Variants in ABCA4 observed in about 807,000 individuals in gnomAD.
ABCA4 encodes retinal-specific phospholipid-transporting ATPase ABCA4.
Under a neutral mutation model 263.7 loss-of-function variants are expected in ABCA4, and 196 were observed. The observed-to-expected ratio is 0.74, with a 90% CI of 0.66 to 0.84. ABCA4 has a LOEUF of 0.84. Among genes scored for constraint, ABCA4 ranks in the 40% least tolerant of loss-of-function variants. The probability of loss-of-function intolerance (pLI) is 0.00; values close to 1 mark genes in which losing one functional copy is unlikely to be tolerated. For missense variants in ABCA4, 2,792 were observed against 2,855.1 expected (o/e 0.98, Z 0.50); for synonymous variants, 1,133 against 1,094.2 (o/e 1.04, Z -0.70).
rs1282667368 is a variant in ABCA4 at position 94,023,409 on chromosome 1, G to C, written c.4644C>G (p.Ser1548Arg). 2 of 1,608,994 alleles carry C rather than the reference G, an allele frequency of 1.2e-6. No individual in the cohort carries two copies. The highest frequency in any genetic ancestry group is 1.1e-5 in the South Asian group (1 of 90,822). The change falls in exon 32 of 50, where the codon AGC becomes AGG. Residue 1548 changes from serine to arginine, a missense_variant. Coordinates refer to ENST00000370225, the MANE Select transcript of ABCA4 (RefSeq NM_000350.3). Reference protein sequence around the residue: ...YPALIRSSLKSKFWVNEQRYG... With the variant: ...YPALIRSSLKRKFWVNEQRYG... ...ACCTCTGTTCATTGACCCAGAATTT[G>C]CTCTTTAAGCTGAAAGCCAAAATAA...
Position 94,098,810 on chromosome 1 carries a change from A to C in ABCA4, c.752T>G (p.Phe251Cys), listed in dbSNP as rs1167524755. The change falls in exon 6 of 50, where the codon TTC becomes TGC. Residue 251 changes from phenylalanine (F) to cysteine (C), a missense_variant. Phe to Cys is a radical substitution (Grantham distance 205, BLOSUM62 -2). Transcript: ENST00000370225. The part of the protein sequence containing the change: ...EDTLYANVDF[F>C]KLFRVLPTLL... ...CTCCCTTACCACACGGAAGAGCTTGAAGAAGTCCACGTTGGCATACAGAGT... is the reference window on the plus strand; with the variant it reads ...CTCCCTTACCACACGGAAGAGCTTGCAGAAGTCCACGTTGGCATACAGAGT... The C allele has an allele frequency of 6.2e-7, 1 of 1,614,168 alleles. No homozygotes were observed. Among genetic ancestry groups the C allele is most frequent in the Non-Finnish European group, 8.5e-7 (1 of 1,180,012 alleles).
rs4147839 is a variant in ABCA4 at position 94,043,670 on chromosome 1, G to T, written c.3051-195C>A. Among the ~76,000 whole-genome samples the T allele has an allele frequency of 0.32, 49,215 of 151,924 alleles. 8,646 individuals carry two copies. The highest frequency in any genetic ancestry group is 0.68 in the East Asian group (3,482 of 5,152). On this transcript the variant is annotated intron_variant, in intron 20 of 49. Transcript: ENST00000370225. ...TAAGAGGATGGCTTACATAGTTCAT[G>T]CATACAATGGAATAATCTGTAAACA...
intron 17 of ABCA4, among the ~76,000 whole-genome samples, chr1:94,050,950 C>A (rs1361255080): frequency 6.6e-6 from 1 of 152,224 alleles, no homozygotes; most frequent in African/African-American, 2.4e-5. Flanking sequence ...CGCTTTCACC[C>A]TGGAATTTCT....
chr1:94,088,707 A>G (rs1249900113), intron 6 of ABCA4, among the ~76,000 whole-genome samples: 1 of 152,172 alleles, frequency 6.6e-6, no homozygotes, highest in Admixed American at 6.5e-5. Flanking sequence ...GAGCCCTTAG[A>G]TAGCAGAGGG....
chr1:94,044,108 TCC>T (rs1660603141), intron 20 of ABCA4, among the ~76,000 whole-genome samples: 1 of 126,568 alleles, frequency 7.9e-6, no homozygotes, highest in East Asian at 3.6e-4. Context: ...CTTCCTTCCT[TCC>T]TTCCTTCCTT....
intron 7 of ABCA4, 24 bp from the exon 8 acceptor site, chr1:94,080,742 G>C (rs1220522765): frequency 1.2e-6 from 2 of 1,614,060 alleles, no homozygotes; most frequent in East Asian, 4.5e-5. Flanking sequence ...AAGTCTTCAG[G>C]TTATTTTAAG....
At chr1:94,018,336 C>A (rs931003679) in intron 36 of ABCA4, among the ~76,000 whole-genome samples, 1 of 152,244 alleles carries the variant, frequency 6.6e-6, no homozygotes, top group Non-Finnish European at 1.5e-5. Flanking sequence ...GGCCTAGCTC[C>A]TTTTATATTA....
At chr1:94,095,170 G>A (rs1485290024) in intron 6 of ABCA4, among the ~76,000 whole-genome samples, 1 of 152,202 alleles carries the variant, frequency 6.6e-6, no homozygotes, top group African/African-American at 2.4e-5. Flanking sequence ...GTGTGGGAGG[G>A]ATGTAGTAAG....
chr1:94,001,839 G>C lies in ABCA4; in HGVS notation c.6282+19C>G. The C allele has an allele frequency of 6.2e-7, 1 of 1,614,122 alleles. No individual in the cohort carries two copies. Among genetic ancestry groups the C allele is most frequent in the Non-Finnish European group, 8.5e-7 (1 of 1,180,020 alleles). On this transcript the variant is annotated intron_variant, in intron 45 of 49. Transcript: ENST00000370225. ...AGCACTTGGTTTAAGCCCTTGGTGC[G>C]GCCCAAGCCCGCAGTTACCAGCAGC... is the stretch of plus-strand genomic sequence containing the variant.
In ABCA4 at chr1:94,021,874, T is replaced by C; in HGVS notation, c.4745A>G (p.Asp1582Gly). 1 of 1,614,150 alleles carries C rather than the reference T, an allele frequency of 6.2e-7. No individual in the cohort carries two copies. The highest frequency in any genetic ancestry group is 1.1e-5 in the South Asian group (1 of 91,082). ...TGEALVGFLS[D>G]LGRIMNVSGG... ...GCTCACATTCATGATCCGGCCAAGGTCGCTTAAAAACCCAACAAGTGCTTC... is the reference window on the plus strand; with the variant it reads ...GCTCACATTCATGATCCGGCCAAGGCCGCTTAAAAACCCAACAAGTGCTTC... Residue 1582 changes from aspartate (D) to glycine (G), a missense_variant, in exon 33 of 50, where the codon GAC (aspartate) becomes GGC (glycine). Physicochemically the swap from Asp to Gly is moderately conservative, Grantham distance 94 (BLOSUM62 -1). Coordinates refer to ENST00000370225, the MANE Select transcript of ABCA4 (RefSeq NM_000350.3).
chr1:94,054,614 A>G (rs567747545), intron 16 of ABCA4, among the ~76,000 whole-genome samples: 1 of 152,308 alleles, frequency 6.6e-6, no homozygotes, highest in African/African-American at 2.4e-5. Context: ...GGTGTATTAA[A>G]CAGTCAGTAA....
At chr1:94,044,589 G>T in intron 20 of ABCA4, 24 bp downstream of exon 20, 2 of 1,614,160 alleles carry the variant, frequency 1.2e-6, no homozygotes, top group Non-Finnish European at 1.7e-6. Flanking sequence ...GGGATGGGGC[G>T]GTCTCAGTTC....
chr1:93,998,014 G>A lies in ABCA4; in HGVS notation c.6576C>T (p.Asn2192=). 1.9e-6 allele frequency: 3 copies of A among 1,614,220 alleles called. No homozygotes were observed. Among genetic ancestry groups the A allele is most frequent in the South Asian group, 1.1e-5 (1 of 91,086 alleles). Residue 2192 remains asparagine, a synonymous_variant, in exon 48 of 50, where the codon AAC becomes AAT. Coordinates refer to ENST00000370225, the MANE Select transcript of ABCA4 (RefSeq NM_000350.3). The stretch of plus-strand genomic sequence containing the variant: ...TCTCCCTCTGCACACTGCCTGGGAA[G>A]TTCCCCTGGAAGAACTGCTCCACAG... ...LNPVEQFFQG[N]FPGSVQRERH...
intron 39 of ABCA4, 152 bp downstream of exon 39, chr1:94,011,110 C>T: frequency 6.6e-7 from 1 of 1,524,938 alleles, no homozygotes; most frequent in East Asian, 2.3e-5. Flanking sequence ...ACAGAGGCAC[C>T]CTAATCCTCT....
Position 94,005,490 on chromosome 1 carries a change from A to T in ABCA4, c.6098T>A (p.Leu2033His). ...ACCTCGAAGCCGGGCATAAAGGTAA[A>T]GATGTTCTCGTCCTGTGAGCAGCTC... ...IDELLTGREH[L>H]YLYARLRGVP... is the part of the protein sequence containing the mutation. The change falls in exon 44 of 50, where the codon CTT becomes CAT. Residue 2033 changes from leucine (L) to histidine (H), a missense_variant. Transcript: ENST00000370225. 1 of 1,614,226 alleles carries T rather than the reference A, an allele frequency of 6.2e-7. No individual in the cohort carries two copies. Among genetic ancestry groups the T allele is most frequent in the South Asian group, 1.1e-5 (1 of 91,088 alleles).
Position 94,111,559 on chromosome 1 carries a change from T to C in ABCA4, c.181A>G (p.Met61Val). 6.2e-7 allele frequency: 1 copy of C among 1,614,218 alleles called. No homozygotes were observed. Among genetic ancestry groups the C allele is most frequent in the Non-Finnish European group, 8.5e-7 (1 of 1,180,036 alleles). The change falls in exon 3 of 50, where the codon ATG (methionine) becomes GTG (valine). Residue 61 changes from methionine to valine, a missense_variant. Physicochemically the swap from Met to Val is conservative, Grantham distance 21. Transcript: ENST00000370225. ...HHECHFPNKA[M>V]PSAGMLPWLQ... is the part of the protein sequence containing the mutation. Reference sequence around the variant, plus strand: ...CACGGCAGCATTCCTGCTGAGGGCATCGCCTTGTTGGGGAAATGGCCTTTA... The same window carrying C: ...CACGGCAGCATTCCTGCTGAGGGCACCGCCTTGTTGGGGAAATGGCCTTTA...
chr1:94,044,695 C>G lies in ABCA4; in HGVS notation c.2968G>C (p.Gly990Arg). The G allele has an allele frequency of 6.2e-7, 1 of 1,614,168 alleles. No individual in the cohort carries two copies. Among genetic ancestry groups the G allele is most frequent in the Non-Finnish European group, 8.5e-7 (1 of 1,180,034 alleles). ...AGGCTGGTTTCAATGTCCCTTCCCC[C>G]AACGAGCACAGTCCCAGAGGTTGGT... is the stretch of plus-strand genomic sequence containing the variant. ...LPPTSGTVLV[G>R]GRDIETSLDA... Residue 990 changes from glycine to arginine, a missense_variant, in exon 20 of 50, where the codon GGG (glycine) becomes CGG (arginine). Gly to Arg is a moderately radical substitution (Grantham distance 125, BLOSUM62 -2). Transcript: ENST00000370225.
At chr1:93,998,408 G>A (rs909468783) in intron 47 of ABCA4, among the ~76,000 whole-genome samples, 1 of 152,152 alleles carries the variant, frequency 6.6e-6, no homozygotes, top group Non-Finnish European at 1.5e-5. Context: ...TTGAGCATAG[G>A]AGGTCAAGGC....
chr1:94,035,051 C>T lies in ABCA4; in HGVS notation c.3862+1689G>A, dbSNP rs3789394. ...ATGAAGCTCAGGTTTGATATTTGGT[C>T]GGCCTCACTCCAGAGGCTACACTCT... is the stretch of plus-strand genomic sequence containing the variant. On this transcript the variant is annotated intron_variant, in intron 26 of 49. Transcript: ENST00000370225. 5.9e-5 allele frequency among the ~76,000 whole-genome samples: 9 copies of T among 152,136 alleles called. No homozygotes were observed. The East Asian group carries it at 1.3e-3, about 23-fold the overall frequency.
Sources: allele counts gnomAD v4.1 joint callset (sites outside exome capture counted in the v4.1 genomes callset), GRCh38; gene constraint gnomAD v4.1.1; transcripts MANE v1.5; gene names NCBI Gene and HGNC (gene_info 2026-07-23, HGNC 2026-07-21).